The following CNOT1 variants were observed in gnomAD, a reference collection of about 807,000 sequenced individuals.
CNOT1 encodes CCR4-NOT transcription complex subunit 1.
In CNOT1, 15 loss-of-function variants were observed where a neutral mutation model predicts 273.8. That is an observed-to-expected ratio of 0.05 (90% confidence interval 0.04 to 0.08). CNOT1 has a LOEUF of 0.08. Among genes scored for constraint, CNOT1 ranks in the 10% least tolerant of loss-of-function variants. The probability of loss-of-function intolerance (pLI) is 1.00; values close to 1 mark genes in which losing one functional copy is unlikely to be tolerated. For synonymous variants in CNOT1, 1,022 were observed against 1,005.5 expected (o/e 1.02, Z -0.31); for missense variants, 1,644 against 2,912.2 (o/e 0.56, Z 10.02).
rs1195397684 is a variant in CNOT1 at position 58,629,817 on chromosome 16, G to C, written c.-264C>G. The C allele has an allele frequency of 2.6e-5, 4 of 152,308 alleles. No homozygotes were observed. Among genetic ancestry groups the C allele is most frequent in the African/African-American group, 7.2e-5 (3 of 41,470 alleles). The allele number at this position is 152,308 out of a possible 1,614,324, so 9.4% of individuals were successfully genotyped here. On this transcript the variant is annotated 5_prime_UTR_variant, in exon 1 of 49. Coordinates refer to ENST00000317147, the MANE Select transcript of CNOT1 (RefSeq NM_016284.5). ...ACCCCCTCTTCGGTTAACTCCGCTT[G>C]TTTCTCTACAAAATGGCGCCGGAGG...
intron 17 of CNOT1, chr16:58,559,668 C>G: frequency 2.8e-6 from 1 of 351,768 alleles, no homozygotes; most frequent in South Asian, 2.3e-5. Context: ...AGGGAAGTAG[C>G]CACTGAATCA....
rs1267267725 is a variant in CNOT1, at chr16:58,551,726, C to T, written c.3064G>A (p.Ala1022Thr). 2 of 1,614,050 alleles carry T rather than the reference C, an allele frequency of 1.2e-6. No individual in the cohort carries two copies. Among genetic ancestry groups the T allele is most frequent in the Non-Finnish European group, 1.7e-6 (2 of 1,180,044 alleles). Residue 1022 changes from alanine (A) to threonine (T), a missense_variant, in exon 23 of 49, where the codon GCT (alanine) becomes ACT (threonine). Around this residue, in one of 13 missense-constraint regions of CNOT1, gnomAD observed 77 missense variants for 90.5 expected, o/e 0.85. Coordinates refer to ENST00000317147, the MANE Select transcript of CNOT1 (RefSeq NM_016284.5). ...PGSIALAQAQ[A>T]QAQVPAKAPL... Reference sequence around the variant, plus strand: ...GCTTTTGCTGGAACCTGGGCCTGAGCCTGGGCCTGAGCCAGTGCAATACTT... The same window carrying T: ...GCTTTTGCTGGAACCTGGGCCTGAGTCTGGGCCTGAGCCAGTGCAATACTT...
At chr16:58,555,730 A>G in intron 20 of CNOT1, 54 bp downstream of exon 20, 4 of 1,603,744 alleles carry the variant, frequency 2.5e-6, no homozygotes, top group Non-Finnish European at 3.4e-6. Context: ...TGAAAAGGAC[A>G]TTTATTTAAG....
intron 16 of CNOT1, among the ~76,000 whole-genome samples, chr16:58,562,660 A>G (rs568369882): frequency 2.0e-5 from 3 of 151,998 alleles, no homozygotes; most frequent in East Asian, 1.9e-4. Flanking sequence ...CGTCTCTACT[A>G]AAAATACAAA....
At chr16:58,523,189 G>A (rs555193538) in intron 47 of CNOT1, 181 bp downstream of exon 47, 5 of 457,080 alleles carry the variant, frequency 1.1e-5, no homozygotes, top group Non-Finnish European at 1.8e-5. Flanking sequence ...AGGTTGCAGT[G>A]AGCCAAGATG....
chr16:58,610,569 C>T (rs188756277), intron 1 of CNOT1, among the ~76,000 whole-genome samples: 17 of 152,202 alleles, frequency 1.1e-4, no homozygotes, highest in Admixed American at 6.5e-4. Context: ...AAAGGCGGGG[C>T]GCGGTGGCTC....
intron 1 of CNOT1, among the ~76,000 whole-genome samples, chr16:58,600,930 G>A (rs2042437965): frequency 6.6e-6 from 1 of 152,152 alleles, no homozygotes; most frequent in Non-Finnish European, 1.5e-5. Context: ...AACATAGTGA[G>A]ATCCCATCTC....
intron 44 of CNOT1, among the ~76,000 whole-genome samples, chr16:58,526,346 T>C (rs184150240): frequency 5.9e-5 from 9 of 152,074 alleles, no homozygotes; most frequent in African/African-American, 2.2e-4. Flanking sequence ...TATAATGTAT[T>C]TCCTTCCCAG....
At position 58,549,713 on chromosome 16, in the gene CNOT1, T is replaced by A. The variant is rs767499180; in HGVS notation, c.3522+6A>T. ...AATTAAAGGAAATATAAGAACCAAC[T>A]CTTACTTTAATGTTTCTGTAGGTCT... On this transcript the variant is annotated splice_donor_region_variant and intron_variant, in intron 25 of 48. Transcript: ENST00000317147. 6 of 1,591,406 alleles carry A rather than the reference T, an allele frequency of 3.8e-6. No homozygotes were observed. Among genetic ancestry groups the A allele is most frequent in the Middle Eastern group, 3.3e-4 (2 of 5,996 alleles).
intron 22 of CNOT1, 141 bp from the exon 23 acceptor site, chr16:58,551,960 G>T: frequency 9.6e-7 from 1 of 1,044,880 alleles, no homozygotes; most frequent in Non-Finnish European, 1.4e-6. Flanking sequence ...CCCATACCCT[G>T]GCACTAATAC....
Position 58,549,885 on chromosome 16 carries a change from T to C in CNOT1, c.3356A>G (p.Lys1119Arg). The change falls in exon 25 of 49, where the codon AAG becomes AGG. Residue 1119 changes from lysine to arginine, a missense_variant. Physicochemically the swap from Lys to Arg is conservative, Grantham distance 26. Coordinates refer to ENST00000317147, the MANE Select transcript of CNOT1 (RefSeq NM_016284.5). Reference sequence around the variant, plus strand: ...CATAAATTCTTCTTTCACCGTTTCCTTTAGCTCTTCAACCTAGCCGGTCAA... The same window carrying C: ...CATAAATTCTTCTTTCACCGTTTCCCTTAGCTCTTCAACCTAGCCGGTCAA... ...SNMTQKVEEL[K>R]ETVKEEFMPW... is the part of the protein sequence containing the mutation. 3 of 1,613,900 alleles carry C rather than the reference T, an allele frequency of 1.9e-6. No individual in the cohort carries two copies. The highest frequency in any genetic ancestry group is 2.5e-6 in the Non-Finnish European group (3 of 1,179,938).
chr16:58,581,584 CAAATT>C, intron 10 of CNOT1, 69 bp from the exon 11 acceptor site: 1 of 1,449,398 alleles, frequency 6.9e-7, no homozygotes, highest in Non-Finnish European at 9.1e-7. Flanking sequence ...TCCAAAAGGC[CAAATT>C]AAATCTGAAA....
At chr16:58,558,814 C>A in intron 17 of CNOT1, 140 bp from the exon 18 acceptor site, 1 of 1,190,066 alleles carries the variant, frequency 8.4e-7, no homozygotes, top group Non-Finnish European at 1.2e-6. Context: ...TACTTAAATC[C>A]CAGTTATCAA....
At chr16:58,539,992 C>CA (rs1239683771) in intron 34 of CNOT1, 33 bp from the exon 35 acceptor site, 45 of 1,574,706 alleles carry the variant, frequency 2.9e-5, no homozygotes, top group Non-Finnish European at 3.7e-5. Flanking sequence ...CAACAAGAGA[C>CA]AAAAGAATGT....
chr16:58,554,835 C>G (rs769895590), intron 21 of CNOT1, among the ~76,000 whole-genome samples: 3 of 148,266 alleles, frequency 2.0e-5, no homozygotes, highest in Non-Finnish European at 3.0e-5. Context: ...ACTTGAGAGG[C>G]TGAGGCAGGA....
chr16:58,525,696 A>G (rs2039560762), intron 45 of CNOT1, among the ~76,000 whole-genome samples: 1 of 152,250 alleles, frequency 6.6e-6, no homozygotes, highest in Non-Finnish European at 1.5e-5. Context: ...AACTTTCCAA[A>G]ATATCCTATA....
At chr16:58,561,694 C>T (rs1441580847) in intron 16 of CNOT1, among the ~76,000 whole-genome samples, 2 of 152,158 alleles carry the variant, frequency 1.3e-5, no homozygotes, top group African/African-American at 2.4e-5. Context: ...AAAGGAAATG[C>T]TCATTGTAGC....
chr16:58,583,173 T>C lies in CNOT1; in HGVS notation c.816A>G (p.Glu272=), dbSNP rs777311031. Residue 272 remains glutamate, a synonymous_variant, in exon 9 of 49, where the codon GAA becomes GAG. Coordinates refer to ENST00000317147, the MANE Select transcript of CNOT1 (RefSeq NM_016284.5). ...VGYGFCASIE[E]CRNIIVQFGV... is the part of the protein sequence containing the mutation. The stretch of plus-strand genomic sequence containing the variant: ...CAAACTGCACGATTATATTGCGACA[T>C]TCTTCAATACTGAAACAGAAATATA... 2 of 1,613,722 alleles carry C rather than the reference T, an allele frequency of 1.2e-6. No individual in the cohort carries two copies. The highest frequency in any genetic ancestry group is 1.7e-6 in the Non-Finnish European group (2 of 1,179,980).
At chr16:58,604,465 T>C (rs1047966939) in intron 1 of CNOT1, among the ~76,000 whole-genome samples, 2 of 151,902 alleles carry the variant, frequency 1.3e-5, no homozygotes, top group Non-Finnish European at 1.5e-5. Context: ...ATTAACTTCA[T>C]ATCCAGGCCA....
Sources: gnomAD v4.1 joint callset for allele counts (sites outside exome capture counted in the v4.1 genomes callset) on GRCh38, gnomAD v4.1.1 for gene constraint, gnomAD v4.1.1 regional missense constraint, MANE v1.5 for transcripts, NCBI Gene and HGNC (gene_info 2026-07-23, HGNC 2026-07-21) for gene names.